The following DLG2 variants were observed in gnomAD, a reference collection of about 807,000 sequenced individuals.
DLG2 encodes the protein disks large homolog 2.
In DLG2, 45 loss-of-function variants were observed where a neutral mutation model predicts 132.5. The observed-to-expected ratio is 0.34, with a 90% CI of 0.27 to 0.44. The LOEUF is 0.44. Ranked by LOEUF, DLG2 falls within the 20% of genes least tolerant of loss-of-function variation. The pLI is 1.00. For missense variants in DLG2, 1,045 were observed against 1,196.9 expected, an observed-to-expected ratio of 0.87 and a Z score of 1.87; for synonymous variants, 424 against 419.6, an observed-to-expected ratio of 1.01 and a Z score of -0.13.
chr11:85,505,011 T>A (rs1361667642), intron 3 of DLG2, among the ~76,000 whole-genome samples: 1 of 152,192 alleles, frequency 6.6e-6, no homozygotes, highest in Non-Finnish European at 1.5e-5. Flanking sequence ...TGGCTCTCTG[T>A]TTGTCTGTTA....
intron 18 of DLG2, among the ~76,000 whole-genome samples, chr11:83,746,641 G>T (rs2092933001): frequency 6.6e-6 from 1 of 152,078 alleles, no homozygotes; most frequent in Admixed American, 6.6e-5. Flanking sequence ...ACGAGTTACT[G>T]GGTGCAGCAC....
At chr11:84,209,111 G>A (rs1208434425) in intron 8 of DLG2, among the ~76,000 whole-genome samples, 2 of 152,152 alleles carry the variant, frequency 1.3e-5, no homozygotes, top group South Asian at 2.1e-4. Context: ...CGTGATAAAG[G>A]TTAACGTCAC....
chr11:84,729,226 G>A (rs2062859220), intron 6 of DLG2, among the ~76,000 whole-genome samples: 1 of 152,048 alleles, frequency 6.6e-6, no homozygotes, highest in Non-Finnish European at 1.5e-5. Context: ...GGCATTTAGT[G>A]CTATGTTTCC....
At chr11:84,182,498 A>G (rs1227188645) in intron 8 of DLG2, among the ~76,000 whole-genome samples, 2 of 151,680 alleles carry the variant, frequency 1.3e-5, no homozygotes, top group East Asian at 3.9e-4. Context: ...TACTGCACTC[A>G]AGCCTGGGCA....
intron 6 of DLG2, among the ~76,000 whole-genome samples, chr11:84,879,172 T>C (rs2086886670): frequency 6.6e-6 from 1 of 152,078 alleles, no homozygotes; most frequent in Non-Finnish European, 1.5e-5. Context: ...GGAGTCTCTG[T>C]CAATCACTCT....
At chr11:85,485,932 C>T (rs748682531) in intron 3 of DLG2, among the ~76,000 whole-genome samples, 22 of 152,034 alleles carry the variant, frequency 1.4e-4, no homozygotes, top group African/African-American at 3.9e-4. Context: ...TAGGCTGGGA[C>T]GGGAAAGGGG....
chr11:84,738,301 C>T (rs542439108), intron 6 of DLG2, among the ~76,000 whole-genome samples: 73 of 151,660 alleles, frequency 4.8e-4, no homozygotes, highest in African/African-American at 1.4e-3. Flanking sequence ...TTCTGCTTAA[C>T]GATGACATAA....
chr11:84,322,685 G>A (rs2098411307), intron 7 of DLG2, among the ~76,000 whole-genome samples: 1 of 151,806 alleles, frequency 6.6e-6, no homozygotes, highest in African/African-American at 2.4e-5. Flanking sequence ...CACATCCCAG[G>A]TTCTGGCAAT....
chr11:83,801,083 C>G (rs751495651), intron 17 of DLG2, among the ~76,000 whole-genome samples: 2 of 152,162 alleles, frequency 1.3e-5, no homozygotes, highest in African/African-American at 2.4e-5. Context: ...TTTCAGCAAA[C>G]AGTACTACCA....
At chr11:85,254,673 A>G (rs527656050) in intron 4 of DLG2, among the ~76,000 whole-genome samples, 2 of 152,312 alleles carry the variant, frequency 1.3e-5, no homozygotes, top group South Asian at 2.1e-4. Context: ...AACTGAGGAA[A>G]TTCATTCCTC....
chr11:85,104,132 G>A (rs2071317231), intron 6 of DLG2, among the ~76,000 whole-genome samples: 1 of 151,888 alleles, frequency 6.6e-6, no homozygotes. Context: ...TGGTGCAAAT[G>A]TTATGGGAAA....
At chr11:84,468,954 T>A (rs1317145542) in intron 7 of DLG2, among the ~76,000 whole-genome samples, 1 of 151,498 alleles carries the variant, frequency 6.6e-6, no homozygotes, top group Non-Finnish European at 1.5e-5. Flanking sequence ...CTAGTTCACC[T>A]CCAAGCACCA....
At chr11:85,256,703 C>T (rs1021003218) in intron 4 of DLG2, among the ~76,000 whole-genome samples, 3 of 152,104 alleles carry the variant, frequency 2.0e-5, no homozygotes, top group Non-Finnish European at 2.9e-5. Context: ...AGAGGAGCCA[C>T]GCCCCTGTCG....
intron 6 of DLG2, among the ~76,000 whole-genome samples, chr11:84,657,363 A>T (rs1430481233): frequency 6.6e-6 from 1 of 152,146 alleles, no homozygotes; most frequent in Non-Finnish European, 1.5e-5. Flanking sequence ...AGCCATAGAA[A>T]AGAGCAAAGA....
intron 6 of DLG2, among the ~76,000 whole-genome samples, chr11:85,107,334 C>T (rs1333381449): frequency 6.6e-6 from 1 of 151,888 alleles, no homozygotes; most frequent in East Asian, 1.9e-4. Context: ...TTGATAAAAC[C>T]ACACATTATA....
intron 4 of DLG2, among the ~76,000 whole-genome samples, chr11:85,271,227 C>G (rs993831421): frequency 6.6e-6 from 1 of 152,164 alleles, no homozygotes; most frequent in East Asian, 1.9e-4. Context: ...AGTGGAAGCC[C>G]CAAGCCTTGG....
chr11:84,714,609 C>T lies in DLG2; in HGVS notation c.358-179878G>A, dbSNP rs1352057814. Among the ~76,000 whole-genome samples the T allele has an allele frequency of 2.2e-4, 25 of 112,624 alleles. 1 individual carries two copies. The highest frequency in any genetic ancestry group is 7.6e-4 in the African/African-American group (21 of 27,630). The allele number at this position is 112,624 out of a possible 152,430, so 73.9% of individuals were successfully genotyped here. A position where few individuals can be genotyped will look rare whatever the true frequency, so the allele number is the denominator to read the frequency against. On this transcript the variant is annotated intron_variant, in intron 6 of 27. Coordinates refer to ENST00000376104, the MANE Select transcript of DLG2 (RefSeq NM_001142699.3). ...TCTCTTTCTCTTTCTTTCTCTTTCTCTTTCTCTTTCTCTTTCTCTCTCTCT... is the reference window on the plus strand; with the variant it reads ...TCTCTTTCTCTTTCTTTCTCTTTCTTTTTCTCTTTCTCTTTCTCTCTCTCT...
At chr11:84,818,922 C>G (rs1381038245) in intron 6 of DLG2, among the ~76,000 whole-genome samples, 1 of 113,402 alleles carries the variant, frequency 8.8e-6, no homozygotes, top group African/African-American at 2.8e-5. Context: ...TTCATAATTT[C>G]CAGGCAGTCC....
chr11:84,820,910 T>C (rs2077597112), intron 6 of DLG2, among the ~76,000 whole-genome samples: 1 of 151,898 alleles, frequency 6.6e-6, no homozygotes, highest in South Asian at 2.1e-4. Flanking sequence ...TTCTTTCTCA[T>C]TCTACTTTGT....
Sources: gnomAD v4.1 joint callset for allele counts (sites outside exome capture counted in the v4.1 genomes callset) on GRCh38, gnomAD v4.1.1 for gene constraint, MANE v1.5 for transcripts, NCBI Gene and HGNC (gene_info 2026-07-23, HGNC 2026-07-21) for gene names.